Variants in MEIS2 observed in about 807,000 individuals in gnomAD.
MEIS2 encodes the protein Meis homeobox 2, also known as homeobox protein Meis2.
A neutral mutation model predicts 58.6 loss-of-function variants in MEIS2; 9 were observed. The observed-to-expected ratio is 0.15, with a 90% CI of 0.09 to 0.27. MEIS2 has a LOEUF of 0.27. Ranked by LOEUF, MEIS2 falls within the 10% of genes least tolerant of loss-of-function variation. The probability of loss-of-function intolerance (pLI) is 1.00; values close to 1 mark genes in which losing one functional copy is unlikely to be tolerated. For synonymous variants in MEIS2, 221 were observed against 228.4 expected (o/e 0.97, Z 0.29); for missense variants, 427 against 635.0 (o/e 0.67, Z 3.52).
At chr15:37,093,847 G>A in intron 5 of MEIS2, 117 bp from the exon 6 acceptor site, 7 of 1,319,024 alleles carry the variant, frequency 5.3e-6, no homozygotes, top group African/African-American at 2.9e-5. Flanking sequence ...GAGCAACAGT[G>A]TGATGTCTTC....
At chr15:37,027,648 G>C (rs921297461) in intron 8 of MEIS2, among the ~76,000 whole-genome samples, 1 of 151,912 alleles carries the variant, frequency 6.6e-6, no homozygotes, top group Non-Finnish European at 1.5e-5. Context: ...ATTATACTTC[G>C]AGTGATATTT....
intron 8 of MEIS2, among the ~76,000 whole-genome samples, chr15:36,974,796 C>A (rs924903101): frequency 6.6e-6 from 1 of 152,150 alleles, no homozygotes; most frequent in East Asian, 1.9e-4. Context: ...GTTTCTCTGG[C>A]GTTTTGGGGT....
intron 8 of MEIS2, among the ~76,000 whole-genome samples, chr15:37,001,274 G>A (rs2060718076): frequency 6.6e-6 from 1 of 151,898 alleles, no homozygotes; most frequent in Admixed American, 6.6e-5. Context: ...ATCTATCCTT[G>A]GCCCTCTTCT....
intron 9 of MEIS2, among the ~76,000 whole-genome samples, chr15:36,926,771 T>G (rs908474794): frequency 1.3e-5 from 2 of 152,228 alleles, no homozygotes; most frequent in African/African-American, 2.4e-5. Flanking sequence ...CCTTTCTCTC[T>G]TTCTGGCTGA....
chr15:36,980,876 T>C (rs1045351819), intron 8 of MEIS2, among the ~76,000 whole-genome samples: 1 of 152,206 alleles, frequency 6.6e-6, no homozygotes, highest in African/African-American at 2.4e-5. Flanking sequence ...TCAGTGCCTG[T>C]TTAAAGCTAT....
chr15:37,099,173 GCACA>G (rs147531180), intron 1 of MEIS2: 6 of 1,270,976 alleles, frequency 4.7e-6, no homozygotes, highest in South Asian at 2.3e-5. Flanking sequence ...GATTGCACAC[GCACA>G]CACACACACC....
intron 7 of MEIS2, among the ~76,000 whole-genome samples, chr15:37,046,392 T>A (rs1016101979): frequency 6.6e-6 from 1 of 152,112 alleles, no homozygotes; most frequent in Non-Finnish European, 1.5e-5. Flanking sequence ...GCTGTGCAAA[T>A]GTGCGTCCAG....
chr15:37,099,290 G>C, intron 1 of MEIS2, 165 bp downstream of exon 1: 2 of 1,488,606 alleles, frequency 1.3e-6, no homozygotes, highest in Non-Finnish European at 1.8e-6. Flanking sequence ...GCAGAGGCAC[G>C]GGAGGGAAAG....
intron 8 of MEIS2, among the ~76,000 whole-genome samples, chr15:36,969,030 A>G (rs1456521616): frequency 6.6e-6 from 1 of 152,232 alleles, no homozygotes; most frequent in Non-Finnish European, 1.5e-5. Context: ...ATTTTTTGTT[A>G]AAGACATTTG....
At chr15:37,061,768 A>T (rs1315036196) in intron 7 of MEIS2, among the ~76,000 whole-genome samples, 1 of 152,186 alleles carries the variant, frequency 6.6e-6, no homozygotes, top group African/African-American at 2.4e-5. Context: ...ACAGTCACCA[A>T]ACGAGTTTTT....
At chr15:37,099,407 CT>C in intron 1 of MEIS2, 47 bp downstream of exon 1, 1 of 1,614,036 alleles carries the variant, frequency 6.2e-7, no homozygotes, top group Non-Finnish European at 8.5e-7. Flanking sequence ...ACAGGCCCCT[CT>C]TAGGAGAGGA....
intron 7 of MEIS2, 67 bp from the exon 8 acceptor site, chr15:37,037,026 T>C: frequency 6.8e-7 from 1 of 1,472,324 alleles, no homozygotes; most frequent in East Asian, 2.3e-5. Context: ...GTGCAGCTAA[T>C]GATGAGCTCA....
intron 9 of MEIS2, among the ~76,000 whole-genome samples, chr15:36,935,905 CT>C (rs1429920588): frequency 6.6e-6 from 1 of 152,042 alleles, no homozygotes; most frequent in East Asian, 1.9e-4. Context: ...AAGAGCTTCA[CT>C]TTATAAGCAA....
At chr15:37,023,138 T>A (rs989665918) in intron 8 of MEIS2, among the ~76,000 whole-genome samples, 3 of 152,202 alleles carry the variant, frequency 2.0e-5, no homozygotes, top group African/African-American at 7.2e-5. Context: ...TCTATCACAG[T>A]TTTTCTTTAT....
chr15:37,032,247 G>A (rs1288535780), intron 8 of MEIS2, among the ~76,000 whole-genome samples: 1 of 152,118 alleles, frequency 6.6e-6, no homozygotes, highest in African/African-American at 2.4e-5. Flanking sequence ...GTGTCTTTGT[G>A]TATGAGCACT....
intron 8 of MEIS2, among the ~76,000 whole-genome samples, chr15:36,996,994 G>C (rs2060545615): frequency 6.6e-6 from 1 of 152,188 alleles, no homozygotes; most frequent in African/African-American, 2.4e-5. Context: ...CACTGAAAGG[G>C]AAGCCCTCAA....
At chr15:37,025,902 G>A (rs1457429562) in intron 8 of MEIS2, among the ~76,000 whole-genome samples, 2 of 152,140 alleles carry the variant, frequency 1.3e-5, no homozygotes, top group Non-Finnish European at 2.9e-5. Flanking sequence ...TAAGCTCTAA[G>A]AGGGGTTTTT....
intron 9 of MEIS2, among the ~76,000 whole-genome samples, chr15:36,906,349 G>T (rs2141251656): frequency 6.6e-6 from 1 of 152,236 alleles, no homozygotes; most frequent in East Asian, 1.9e-4. Context: ...CCAGGCAGAA[G>T]AGGGAAACAA....
chr15:36,956,013 T>C (rs1381066604), intron 8 of MEIS2, among the ~76,000 whole-genome samples: 1 of 20,362 alleles, frequency 4.9e-5, no homozygotes, highest in Non-Finnish European at 8.9e-5. Flanking sequence ...CCGTTTCTAC[T>C]AAAAATACAA....
Sources: allele counts gnomAD v4.1 joint callset (sites outside exome capture counted in the v4.1 genomes callset), GRCh38; gene constraint gnomAD v4.1.1; transcripts MANE v1.5; gene names NCBI Gene and HGNC (gene_info 2026-07-23, HGNC 2026-07-21).